Variants in DUSP4 observed in about 807,000 individuals in gnomAD.
DUSP4 encodes the protein dual specificity protein phosphatase 4.
A neutral mutation model predicts 27.2 loss-of-function variants in DUSP4; 12 were observed. The observed-to-expected ratio is 0.44, with a 90% confidence interval of 0.28 to 0.71. The LOEUF is 0.71. DUSP4 is among the 30% of genes least tolerant of loss of function. The pLI is 0.14. For synonymous variants in DUSP4, 257 were observed against 245.2 expected (o/e 1.05, Z -0.45); for missense variants, 448 against 551.3 (o/e 0.81, Z 1.88).
Position 29,335,313 on chromosome 8 carries a change from G to C in DUSP4, c.*1713C>G, listed in dbSNP as rs1817555611. On this transcript the variant is annotated 3_prime_UTR_variant, in exon 4 of 4. Coordinates refer to ENST00000240100, the MANE Select transcript of DUSP4 (RefSeq NM_001394.7). ...AAATGGCACCCACGTGCCGACGATA[G>C]ATTCAAAATGGCGCCTGCGTGCCCA... 1 of 151,306 alleles carries C rather than the reference G, an allele frequency of 6.6e-6. No individual in the cohort carries two copies. The highest frequency in any genetic ancestry group is 2.0e-4 in the East Asian group (1 of 5,110). The allele number at this position is 151,306 out of a possible 1,614,324, so 9.4% of individuals were successfully genotyped here.
At chr8:29,347,809 C>G in intron 1 of DUSP4, 1 of 985,604 alleles carries the variant, frequency 1.0e-6, no homozygotes, top group Non-Finnish European at 1.2e-6. Context: ...CTGTACTACC[C>G]AGTCACTAGC....
intron 1 of DUSP4, 49 bp downstream of exon 1, chr8:29,349,797 A>T: frequency 3.5e-6 from 5 of 1,445,840 alleles, no homozygotes; most frequent in Non-Finnish European, 4.5e-6. Flanking sequence ...GGCCGCCAAG[A>T]CCCCCTCCAT....
intron 1 of DUSP4, chr8:29,348,821 G>C (rs1300382992): frequency 3.0e-6 from 3 of 984,646 alleles, no homozygotes; most frequent in Non-Finnish European, 3.6e-6. Flanking sequence ...GGGCTCGGAA[G>C]CGCAGACCCT....
Position 29,350,367 on chromosome 8 carries a change from A to C in DUSP4, c.-89T>G, listed in dbSNP as rs1302856851. 5 of 1,439,756 alleles carry C rather than the reference A, an allele frequency of 3.5e-6. No homozygotes were observed. The Admixed American group carries it at 1.1e-4, about 31-fold the overall frequency. The allele number at this position is 1,439,756 out of a possible 1,614,324, so 89.2% of individuals were successfully genotyped here. A position where few individuals can be genotyped will look rare whatever the true frequency, so the allele number is the denominator to read the frequency against. The stretch of plus-strand genomic sequence containing the variant: ...TGCAGAAAGGGGCGGGCGAGAGCTA[A>C]GAAGGGACGCCTGCAGAAGTGGCCG... On this transcript the variant is annotated 5_prime_UTR_variant, in exon 1 of 4. Coordinates refer to ENST00000240100, the MANE Select transcript of DUSP4 (RefSeq NM_001394.7).
intron 1 of DUSP4, among the ~76,000 whole-genome samples, chr8:29,348,994 A>G (rs1817781955): frequency 6.6e-6 from 1 of 152,190 alleles, no homozygotes; most frequent in African/African-American, 2.4e-5. Flanking sequence ...AGGGACTCGG[A>G]CAGCACGCGA....
At position 29,337,936 on chromosome 8, in the gene DUSP4, G is replaced by T. The variant is rs1817602471; in HGVS notation, c.799+346C>A. On this transcript the variant is annotated intron_variant, in intron 3 of 3. Coordinates refer to ENST00000240100, the MANE Select transcript of DUSP4 (RefSeq NM_001394.7). The surrounding 1 kb of genome is among the most constrained non-coding windows in gnomAD (Gnocchi z 6.4). ...ACTGCACTCCAGCCTGGGCAACAGA[G>T]CAAGGCTCTGTCTCAAAATAAATAA... is the stretch of plus-strand genomic sequence containing the variant. 1.3e-5 allele frequency among the ~76,000 whole-genome samples: 2 copies of T among 152,154 alleles called. No individual in the cohort carries two copies. The highest frequency in any genetic ancestry group is 2.4e-5 in the African/African-American group (1 of 41,426).
chr8:29,343,041 G>A (rs1462442406), intron 1 of DUSP4, among the ~76,000 whole-genome samples: 6 of 151,992 alleles, frequency 3.9e-5, no homozygotes, highest in Admixed American at 3.3e-4. Flanking sequence ...GGTGGCGGGT[G>A]TCTGTAGTCC....
Position 29,348,581 on chromosome 8 carries a change from A to T in DUSP4, c.433+1265T>A, listed in dbSNP as rs113642107. 2,552 of 985,544 alleles carry T rather than the reference A, an allele frequency of 2.6e-3. 4 individuals carry two copies. Among genetic ancestry groups the T allele is most frequent in the Non-Finnish European group, 2.9e-3 (2,429 of 830,012 alleles). 61.0% of individuals were successfully genotyped at this position (985,544 alleles called of 1,614,324 possible). A position where few individuals can be genotyped will look rare whatever the true frequency, so the allele number is the denominator to read the frequency against. ...AAATGGGCAGGAAACAACTGCGGGG[A>T]ACAAAGCCCCCCGCTGTCCGGCAGG... On this transcript the variant is annotated intron_variant, in intron 1 of 3. Coordinates refer to ENST00000240100, the MANE Select transcript of DUSP4 (RefSeq NM_001394.7).
rs780890971 is a variant in DUSP4 at position 29,349,829 on chromosome 8, C to T, written c.433+17G>A. On this transcript the variant is annotated intron_variant, in intron 1 of 3. Coordinates refer to ENST00000240100, the MANE Select transcript of DUSP4 (RefSeq NM_001394.7). ...CCATCTCCCCGACTCCAGCTAGCGC[C>T]CGGAGCCCTCGTTTACCTTTGAGCA... 1 of 1,478,948 alleles carries T rather than the reference C, an allele frequency of 6.8e-7. No homozygotes were observed. The highest frequency in any genetic ancestry group is 2.3e-5 in the Admixed American group (1 of 43,126). The allele number at this position is 1,478,948 out of a possible 1,614,324, so 91.6% of individuals were successfully genotyped here. A position where few individuals can be genotyped will look rare whatever the true frequency, so the allele number is the denominator to read the frequency against.
rs1172464424 is a variant in DUSP4 at position 29,338,453 on chromosome 8, G to A, written c.628C>T (p.His210Tyr). The change falls in exon 3 of 4, where the codon CAT becomes TAT. Residue 210 changes from histidine (H) to tyrosine (Y), a missense_variant. This residue lies in a region of DUSP4 where 345 missense variants were observed against 394.0 expected (regional missense o/e 0.88). Transcript: ENST00000240100. Reference sequence around the variant, plus strand: ...TCCAGCATGTCTCTCCGGGCAGCATGGTAGGCACTGCCGAGGTAGAGGAAG... The same window carrying A: ...TCCAGCATGTCTCTCCGGGCAGCATAGTAGGCACTGCCGAGGTAGAGGAAG... ...LPFLYLGSAY[H>Y]AARRDMLDAL... 6.2e-7 allele frequency: 1 copy of A among 1,613,990 alleles called. No individual in the cohort carries two copies. Among genetic ancestry groups the A allele is most frequent in the Non-Finnish European group, 8.5e-7 (1 of 1,180,030 alleles).
chr8:29,347,683 G>C, intron 1 of DUSP4: 1 of 928,130 alleles, frequency 1.1e-6, no homozygotes, highest in Non-Finnish European at 1.3e-6. Flanking sequence ...TGCCCGCGTC[G>C]GGGCCGACTA....
In DUSP4 at chr8:29,337,556, T is replaced by C. The variant is rs912444482; in HGVS notation, c.800-145A>G. The C allele has an allele frequency of 1.3e-5, 15 of 1,146,844 alleles. No homozygotes were observed. In the African/African-American group the frequency reaches 1.7e-4, roughly 13 times the overall value. 71.0% of individuals were successfully genotyped at this position (1,146,844 alleles called of 1,614,324 possible). On this transcript the variant is annotated intron_variant, in intron 3 of 3. Transcript: ENST00000240100. The surrounding 1 kb of genome is among the most constrained non-coding windows in gnomAD (Gnocchi z 6.4). ...GGACTGGAGAGGAAGAAAACCCATG[T>C]AGGCAGGTCTCTAGAATGCCCCCAA...
At chr8:29,348,957 C>A (rs1357921416) in intron 1 of DUSP4, among the ~76,000 whole-genome samples, 3 of 152,178 alleles carry the variant, frequency 2.0e-5, no homozygotes, top group Non-Finnish European at 4.4e-5. Context: ...CCCTGCCCTG[C>A]AGGTGTGGCG....
chr8:29,342,964 G>A (rs1411294976), intron 1 of DUSP4, among the ~76,000 whole-genome samples: 1 of 152,090 alleles, frequency 6.6e-6, no homozygotes, highest in African/African-American at 2.4e-5. Context: ...TCAGGAGATC[G>A]AGACCATCCT....
In DUSP4 at chr8:29,333,778, T is replaced by C. The variant is rs1470409927; in HGVS notation, c.*3248A>G. 6.6e-6 allele frequency: 1 copy of C among 152,214 alleles called. No homozygotes were observed. The highest frequency in any genetic ancestry group is 2.4e-5 in the African/African-American group (1 of 41,450). The allele number at this position is 152,214 out of a possible 1,614,324, so 9.4% of individuals were successfully genotyped here. A position where few individuals can be genotyped will look rare whatever the true frequency, so the allele number is the denominator to read the frequency against. On this transcript the variant is annotated 3_prime_UTR_variant, in exon 4 of 4. Transcript: ENST00000240100. ...AGCCTGGGTATCAGAACTGTATAAG[T>C]TCCCCAAGTAATTCCAATGCGGGAC...
In DUSP4 at chr8:29,338,386, C is replaced by T. The variant is rs1180215862; in HGVS notation, c.695G>A (p.Cys232Tyr). ...ITALLNVSSD[C>Y]PNHFEGHYQY... ...ATAGTGTCCTTCAAAGTGGTTTGGG[C>T]AGTCCGAGGAGACATTCAACAGAGC... The change falls in exon 3 of 4, where the codon TGC (cysteine) becomes TAC (tyrosine). Residue 232 changes from cysteine to tyrosine, a missense_variant. Cys to Tyr is a radical substitution (Grantham distance 194). Coordinates refer to ENST00000240100, the MANE Select transcript of DUSP4 (RefSeq NM_001394.7). 1.2e-6 allele frequency: 2 copies of T among 1,614,182 alleles called. No homozygotes were observed. Among genetic ancestry groups the T allele is most frequent in the East Asian group, 4.5e-5 (2 of 44,882 alleles).
chr8:29,340,494 A>G (rs1356138560), intron 1 of DUSP4, among the ~76,000 whole-genome samples: 35 of 152,138 alleles, frequency 2.3e-4, no homozygotes, highest in Admixed American at 2.3e-3. Flanking sequence ...TGGGTTAGAG[A>G]GGTAGACATA....
chr8:29,342,984 G>A (rs995586074), intron 1 of DUSP4, among the ~76,000 whole-genome samples: 1 of 151,972 alleles, frequency 6.6e-6, no homozygotes, highest in African/African-American at 2.4e-5. Context: ...TGGCTAACAC[G>A]GTGAAACCCC....
At chr8:29,347,985 G>T in intron 1 of DUSP4, 1 of 985,520 alleles carries the variant, frequency 1.0e-6, no homozygotes, top group Non-Finnish European at 1.2e-6. Context: ...GGGCCTAAGT[G>T]GCTGCACCCC....
Sources: allele counts gnomAD v4.1 joint callset (sites outside exome capture counted in the v4.1 genomes callset), GRCh38; gene constraint gnomAD v4.1.1; regional missense constraint gnomAD v4.1.1; non-coding constraint Gnocchi (gnomAD v3.1); transcripts MANE v1.5; gene names NCBI Gene and HGNC (gene_info 2026-07-23, HGNC 2026-07-21).